COL22A1: variants seen among roughly 807,000 people sequenced by gnomAD.
COL22A1 encodes collagen type XXII alpha 1 chain, also known as collagen alpha-1(XXII) chain.
COL22A1 carries 221 observed loss-of-function variants against 248.9 expected under a neutral mutation model. The ratio of observed to expected loss-of-function variants is 0.89; its 90% CI spans 0.80 to 0.99. The LOEUF is 0.99. Ranked by LOEUF, COL22A1 falls within the 50% of genes least tolerant of loss-of-function variation. The pLI is 0.00. For synonymous variants in COL22A1, 891 were observed against 793.4 expected, an observed-to-expected ratio of 1.12 and a Z score of -2.07; for missense variants, 2,240 against 2,179.0, an observed-to-expected ratio of 1.03 and a Z score of -0.56.
intron 32 of COL22A1, among the ~76,000 whole-genome samples, chr8:138,699,321 A>G (rs1827769409): frequency 6.6e-6 from 1 of 152,188 alleles, no homozygotes; most frequent in South Asian, 2.1e-4. Context: ...GATTCTTTTA[A>G]GCTTTTAAAA....
At chr8:138,881,171 A>G (rs1347943283) in intron 2 of COL22A1, among the ~76,000 whole-genome samples, 1 of 152,124 alleles carries the variant, frequency 6.6e-6, no homozygotes, top group Admixed American at 6.5e-5. Flanking sequence ...TAAATGTGAT[A>G]ATCCTGTGCA....
At chr8:138,604,710 G>T in intron 59 of COL22A1, 24 bp downstream of exon 59, 1 of 1,610,778 alleles carries the variant, frequency 6.2e-7, no homozygotes, top group Admixed American at 1.7e-5. Context: ...GTTGCCAAGG[G>T]GTGAGTGGGC....
chr8:138,831,440 G>A (rs1820039727), intron 5 of COL22A1, among the ~76,000 whole-genome samples: 2 of 152,278 alleles, frequency 1.3e-5, no homozygotes, highest in African/African-American at 2.4e-5. Context: ...TAAGACTATT[G>A]CACAATTGAT....
At chr8:138,841,654 A>G (rs2131857514) in intron 4 of COL22A1, among the ~76,000 whole-genome samples, 1 of 152,314 alleles carries the variant, frequency 6.6e-6, no homozygotes, top group Non-Finnish European at 1.5e-5. Context: ...GAGCCAAGGA[A>G]TCCAGGTTTT....
intron 7 of COL22A1, among the ~76,000 whole-genome samples, chr8:138,818,010 C>G (rs1818814354): frequency 6.6e-6 from 1 of 152,164 alleles, no homozygotes; most frequent in South Asian, 2.1e-4. Context: ...AGACTTTTAA[C>G]TCAAATATAG....
At chr8:138,647,273 T>A (rs954471290) in intron 46 of COL22A1, among the ~76,000 whole-genome samples, 2 of 152,202 alleles carry the variant, frequency 1.3e-5, no homozygotes, top group Non-Finnish European at 2.9e-5. Context: ...AGATGGACCC[T>A]GAGATGACTG....
chr8:138,744,865 A>G (rs1282642429), intron 22 of COL22A1, among the ~76,000 whole-genome samples: 1 of 152,224 alleles, frequency 6.6e-6, no homozygotes, highest in Non-Finnish European at 1.5e-5. Context: ...GAACCCCATG[A>G]GATGGGTGGG....
At chr8:138,811,763 G>A in intron 9 of COL22A1, 36 bp downstream of exon 9, 1 of 1,610,408 alleles carries the variant, frequency 6.2e-7, no homozygotes, top group African/African-American at 1.3e-5. Context: ...ACCACCCAGG[G>A]TTCTGCTGGG....
intron 31 of COL22A1, 142 bp from the exon 32 acceptor site, chr8:138,700,286 G>C: frequency 1.3e-6 from 1 of 754,478 alleles, no homozygotes; most frequent in Non-Finnish European, 2.2e-6. Context: ...TTGACAATTA[G>C]ATTCACATCT....
intron 1 of COL22A1, among the ~76,000 whole-genome samples, chr8:138,890,098 T>G (rs943867644): frequency 2.6e-5 from 4 of 152,066 alleles, no homozygotes. Flanking sequence ...TCAATCAATG[T>G]AACATACCAC....
intron 1 of COL22A1, among the ~76,000 whole-genome samples, chr8:138,892,300 G>C (rs1825122150): frequency 6.6e-6 from 1 of 152,206 alleles, no homozygotes; most frequent in South Asian, 2.1e-4. Context: ...TTTGCCACTT[G>C]GTGGCACAAA....
chr8:138,805,007 G>T lies in COL22A1; in HGVS notation c.1495-2073C>A, dbSNP rs1019638973. On this transcript the variant is annotated intron_variant, in intron 10 of 64. Transcript: ENST00000303045. ...TGTGTGTGTGATGGTGTAGGCAATGGTGTGTGGTGGTGTGTGTGTGATAGT... is the reference window on the plus strand; with the variant it reads ...TGTGTGTGTGATGGTGTAGGCAATGTTGTGTGGTGGTGTGTGTGTGATAGT... 6.8e-5 allele frequency among the ~76,000 whole-genome samples: 10 copies of T among 147,942 alleles called. 1 individual carries two copies. The highest frequency in any genetic ancestry group is 4.0e-4 in the Admixed American group (6 of 14,902).
At chr8:138,745,149 T>C (rs1002219611) in intron 22 of COL22A1, among the ~76,000 whole-genome samples, 1 of 152,164 alleles carries the variant, frequency 6.6e-6, no homozygotes, top group African/African-American at 2.4e-5. Context: ...TACATTTTGT[T>C]GAAATGTGTC....
At chr8:138,722,853 GGGGGGGGT>G (rs1312350494) in intron 25 of COL22A1, among the ~76,000 whole-genome samples, 2 of 128,514 alleles carry the variant, frequency 1.6e-5, no homozygotes, top group Non-Finnish European at 3.4e-5. Context: ...ATGGGGGCGG[GGGGGGGGT>G]GGTGGAAAAC....
intron 1 of COL22A1, among the ~76,000 whole-genome samples, chr8:138,896,240 G>A (rs1825406174): frequency 6.6e-6 from 1 of 152,046 alleles, no homozygotes; most frequent in Non-Finnish European, 1.5e-5. Flanking sequence ...TATTTTTCAT[G>A]AGTTTTTAAA....
intron 47 of COL22A1, among the ~76,000 whole-genome samples, chr8:138,638,018 C>A (rs369822231): frequency 1.3e-5 from 2 of 150,968 alleles, no homozygotes; most frequent in East Asian, 2.0e-4. Context: ...AACACCATGA[C>A]TATTGTCATC....
At chr8:138,788,406 T>TATAGTGAATAGTATAGTGAATA (rs1815731394) in intron 12 of COL22A1, among the ~76,000 whole-genome samples, 1 of 152,222 alleles carries the variant, frequency 6.6e-6, no homozygotes, top group Non-Finnish European at 1.5e-5. Context: ...GTGAATAGCC[T>TATAGTGAATAGTATAGTGAATA]GTAAAACAAG....
intron 36 of COL22A1, among the ~76,000 whole-genome samples, chr8:138,690,310 C>T (rs1433924686): frequency 6.6e-6 from 1 of 152,120 alleles, no homozygotes; most frequent in Admixed American, 6.5e-5. Context: ...TTAGCGGACA[C>T]CTTGGGCCTC....
intron 22 of COL22A1, among the ~76,000 whole-genome samples, chr8:138,750,099 G>A (rs1165339580): frequency 6.6e-6 from 1 of 152,166 alleles, no homozygotes; most frequent in East Asian, 1.9e-4. Context: ...CTCTTTGCCT[G>A]CTGCCACCCA....
Sources: allele counts gnomAD v4.1 joint callset (sites outside exome capture counted in the v4.1 genomes callset), GRCh38; gene constraint gnomAD v4.1.1; transcripts MANE v1.5; gene names NCBI Gene and HGNC (gene_info 2026-07-23, HGNC 2026-07-21).